The following DPP10 variants were observed in gnomAD, a reference collection of about 807,000 sequenced individuals.
DPP10 encodes the protein dipeptidyl peptidase like 10.
A neutral mutation model predicts 120.9 loss-of-function variants in DPP10; 33 were observed. The observed-to-expected ratio is 0.27, with a 90% CI of 0.21 to 0.37. DPP10 has a LOEUF of 0.37. DPP10 is among the 10% of genes least tolerant of loss of function. The pLI, the probability that DPP10 is intolerant of heterozygous loss-of-function variation, is 1.00. For synonymous variants in DPP10, 337 were observed against 326.1 expected, an observed-to-expected ratio of 1.03 and a Z score of -0.36; for missense variants, 816 against 942.8, an observed-to-expected ratio of 0.87 and a Z score of 1.76.
intron 1 of DPP10, among the ~76,000 whole-genome samples, chr2:114,976,016 A>G (rs1699733389): frequency 6.6e-6 from 1 of 152,212 alleles, no homozygotes; most frequent in South Asian, 2.1e-4. Flanking sequence ...ATTTAAAATA[A>G]ACCAAATAAG....
In DPP10 at chr2:115,337,700, AAGTT is replaced by A. The variant is rs1345799368; in HGVS notation, c.176-6114_176-6111del. On this transcript the variant is annotated intron_variant, in intron 2 of 25. Transcript: ENST00000410059. Reference sequence around the variant, plus strand: ...AAAAAAAAAAAAAGATAGAGGATAGAAGTTAGCCTTGGAGGCTATTAAAAGAGAA... The same window carrying A: ...AAAAAAAAAAAAAGATAGAGGATAGAAGCCTTGGAGGCTATTAAAAGAGAA... Among the ~76,000 whole-genome samples the A allele has an allele frequency of 4.0e-5, 6 of 148,630 alleles. No homozygotes were observed. The East Asian group carries it at 9.9e-4, about 25-fold the overall frequency.
At chr2:115,422,245 C>T (rs747711289) in intron 3 of DPP10, among the ~76,000 whole-genome samples, 25 of 152,224 alleles carry the variant, frequency 1.6e-4, no homozygotes, top group Middle Eastern at 3.4e-3. Context: ...ATTGTTATAC[C>T]GATATTTATA....
intron 1 of DPP10, among the ~76,000 whole-genome samples, chr2:115,000,486 C>G (rs1335180227): frequency 1.3e-5 from 2 of 152,096 alleles, no homozygotes; most frequent in Non-Finnish European, 2.9e-5. Context: ...GAAGATTTTT[C>G]TGTACCTGTA....
chr2:114,716,496 A>C (rs1420935351), intron 1 of DPP10, among the ~76,000 whole-genome samples: 1 of 152,190 alleles, frequency 6.6e-6, no homozygotes, highest in Non-Finnish European at 1.5e-5. Flanking sequence ...CAAACTGTAC[A>C]CAGGAAACTG....
At chr2:114,499,031 A>G (rs1292572957) in intron 1 of DPP10, among the ~76,000 whole-genome samples, 1 of 152,236 alleles carries the variant, frequency 6.6e-6, no homozygotes. Flanking sequence ...AACATGCTGA[A>G]TGAGATAAGC....
intron 1 of DPP10, among the ~76,000 whole-genome samples, chr2:114,761,151 C>A (rs947263564): frequency 6.6e-6 from 1 of 152,108 alleles, no homozygotes; most frequent in East Asian, 1.9e-4. Context: ...GTATCTGACT[C>A]CAAACCCTTT....
chr2:114,462,290 C>A, intron 1 of DPP10: 1 of 343,986 alleles, frequency 2.9e-6, no homozygotes, highest in Non-Finnish European at 4.1e-6. Flanking sequence ...GAGGAATAAA[C>A]GTTGTGGCAC....
intron 1 of DPP10, among the ~76,000 whole-genome samples, chr2:114,927,141 A>G (rs1046784598): frequency 6.6e-6 from 1 of 151,758 alleles, no homozygotes; most frequent in Admixed American, 6.6e-5. Flanking sequence ...GAGCCACCGC[A>G]CCTGGCCAGG....
At chr2:114,494,119 A>AAAAAC (rs1553450334) in intron 1 of DPP10, among the ~76,000 whole-genome samples, 1 of 139,728 alleles carries the variant, frequency 7.2e-6, no homozygotes, top group Non-Finnish European at 1.6e-5. Context: ...AAAAAAAAAA[A>AAAAAC]AACCCAGCAA....
At chr2:115,701,598 A>T (rs1404529848) in intron 7 of DPP10, among the ~76,000 whole-genome samples, 2 of 152,104 alleles carry the variant, frequency 1.3e-5, no homozygotes, top group African/African-American at 4.8e-5. Flanking sequence ...AAAATTGACA[A>T]ATTAGATTTT....
chr2:114,750,478 C>T (rs867204644), intron 1 of DPP10, among the ~76,000 whole-genome samples: 75 of 152,162 alleles, frequency 4.9e-4, no homozygotes, highest in African/African-American at 1.3e-3. Context: ...GGACCACAGG[C>T]GCCTGCCACC....
At chr2:114,699,670 GACAA>G (rs551446003) in intron 1 of DPP10, among the ~76,000 whole-genome samples, 2 of 152,216 alleles carry the variant, frequency 1.3e-5, no homozygotes, top group Admixed American at 1.3e-4. Flanking sequence ...TACATGTTAA[GACAA>G]ACAGATGAAC....
intron 2 of DPP10, among the ~76,000 whole-genome samples, chr2:115,311,542 T>C (rs1426206295): frequency 1.3e-5 from 2 of 152,216 alleles, no homozygotes; most frequent in African/African-American, 4.8e-5. Flanking sequence ...GGTCAAATTA[T>C]TCATGCATTC....
chr2:115,485,761 A>G (rs1053230568), intron 3 of DPP10, among the ~76,000 whole-genome samples: 2 of 152,166 alleles, frequency 1.3e-5, no homozygotes, highest in African/African-American at 4.8e-5. Flanking sequence ...AAATTCTTCA[A>G]TACTACTCTA....
chr2:114,953,745 A>G (rs939339895), intron 1 of DPP10, among the ~76,000 whole-genome samples: 1 of 152,170 alleles, frequency 6.6e-6, no homozygotes, highest in African/African-American at 2.4e-5. Flanking sequence ...GAAAATAAAA[A>G]ATATTTTCTT....
At chr2:114,779,158 CT>C (rs1248697799) in intron 1 of DPP10, among the ~76,000 whole-genome samples, 3 of 152,036 alleles carry the variant, frequency 2.0e-5, no homozygotes, top group Non-Finnish European at 1.5e-5. Context: ...GTGTATACCC[CT>C]GTGAAACTTC....
At chr2:115,547,102 T>C (rs1193371365) in intron 5 of DPP10, among the ~76,000 whole-genome samples, 1 of 152,152 alleles carries the variant, frequency 6.6e-6, no homozygotes, top group African/African-American at 2.4e-5. Context: ...ACATGAAATG[T>C]CACCTAGTAT....
At chr2:114,878,940 C>T (rs1383624642) in intron 1 of DPP10, among the ~76,000 whole-genome samples, 1 of 151,946 alleles carries the variant, frequency 6.6e-6, no homozygotes, top group Non-Finnish European at 1.5e-5. Flanking sequence ...ATATACTTGG[C>T]CCCCTTTATT....
chr2:115,004,359 G>T (rs1221180945), intron 1 of DPP10, among the ~76,000 whole-genome samples: 1 of 152,222 alleles, frequency 6.6e-6, no homozygotes, highest in Non-Finnish European at 1.5e-5. Context: ...TATCTAGGGG[G>T]AGGAGCCAAG....
Sources: allele counts gnomAD v4.1 joint callset (sites outside exome capture counted in the v4.1 genomes callset), GRCh38; gene constraint gnomAD v4.1.1; transcripts MANE v1.5; gene names NCBI Gene and HGNC (gene_info 2026-07-23, HGNC 2026-07-21).